Variants in ETV5 observed in about 807,000 individuals in gnomAD.
ETV5 encodes the protein ETS variant transcription factor 5.
A neutral mutation model predicts 70.0 loss-of-function variants in ETV5; 10 were observed. The observed-to-expected ratio is 0.14, with a 90% CI of 0.09 to 0.24. The LOEUF is 0.24. Among genes scored for constraint, ETV5 ranks in the 10% least tolerant of loss-of-function variants. The pLI is 1.00. For synonymous variants in ETV5, 216 were observed against 242.2 expected, an observed-to-expected ratio of 0.89 and a Z score of 1.01; for missense variants, 453 against 651.2, an observed-to-expected ratio of 0.70 and a Z score of 3.31.
At chr3:186,051,947 G>A (rs1008135238) in intron 12 of ETV5, 83 bp downstream of exon 12, 27 of 1,349,572 alleles carry the variant, frequency 2.0e-5, no homozygotes, top group South Asian at 1.9e-4. Context: ...TCGTAGCGAC[G>A]ATCACCAGTC....
chr3:186,087,815 G>A (rs530405198), intron 5 of ETV5, among the ~76,000 whole-genome samples: 5 of 151,836 alleles, frequency 3.3e-5, no homozygotes, highest in African/African-American at 1.2e-4. Flanking sequence ...ATGTTATGAT[G>A]AGCAACAGTT....
At chr3:186,075,203 T>C (rs1267770080) in intron 7 of ETV5, among the ~76,000 whole-genome samples, 1 of 152,190 alleles carries the variant, frequency 6.6e-6, no homozygotes, top group Non-Finnish European at 1.5e-5. Flanking sequence ...ATTCAGTCTG[T>C]CAAAGAAGGA....
chr3:186,107,992 C>T (rs1578566591), intron 1 of ETV5, among the ~76,000 whole-genome samples: 1 of 140,438 alleles, frequency 7.1e-6, no homozygotes, highest in East Asian at 2.3e-4. Context: ...GCTTCATTCA[C>T]AAAAAGGGAA....
intron 8 of ETV5, among the ~76,000 whole-genome samples, chr3:186,065,090 A>G (rs1484305322): frequency 6.6e-6 from 1 of 152,220 alleles, no homozygotes; most frequent in Non-Finnish European, 1.5e-5. Flanking sequence ...TCTCTTCTTC[A>G]GCCATCATGT....
chr3:186,085,425 C>T (rs531916752), intron 5 of ETV5, among the ~76,000 whole-genome samples: 1 of 152,108 alleles, frequency 6.6e-6, no homozygotes, highest in East Asian at 1.9e-4. Flanking sequence ...CTTTGTCTGG[C>T]TCTGGGATAC....
rs992144086 is a variant in ETV5, at chr3:186,052,838, C to T, written c.1210-707G>A. Among the ~76,000 whole-genome samples the T allele has an allele frequency of 1.3e-5, 2 of 152,150 alleles. No homozygotes were observed. Among genetic ancestry groups the T allele is most frequent in the Non-Finnish European group, 1.5e-5 (1 of 68,032 alleles). On this transcript the variant is annotated intron_variant, in intron 11 of 12. Coordinates refer to ENST00000306376, the MANE Select transcript of ETV5 (RefSeq NM_004454.3). The surrounding 1 kb of genome is among the most constrained non-coding windows in gnomAD (Gnocchi z 4.5). The stretch of plus-strand genomic sequence containing the variant: ...AGGGCAATATAATTGGAGCTCTGGG[C>T]AAAGCAGCCTTCTAGCAGGAAAACT...
At chr3:186,064,550 AG>A (rs1328001094) in intron 8 of ETV5, 74 bp from the exon 9 acceptor site, 2 of 1,445,958 alleles carry the variant, frequency 1.4e-6, no homozygotes, top group African/African-American at 2.8e-5. Context: ...GGTCAACTGC[AG>A]CTCTGTGGTA....
Position 186,057,581 on chromosome 3 carries a change from A to G in ETV5, c.971-90T>C. On this transcript the variant is annotated intron_variant, in intron 9 of 12. Transcript: ENST00000306376. This position sits in a 1 kb window ranked among gnomAD's most constrained non-coding sequence, Gnocchi z 4.9. ...GATTTAAGGACTAGAGTGCAATCCTATCATTTCAGATCCTAAGTCCTACTG... is the reference window on the plus strand; with the variant it reads ...GATTTAAGGACTAGAGTGCAATCCTGTCATTTCAGATCCTAAGTCCTACTG... 9.3e-7 allele frequency: 1 copy of G among 1,074,498 alleles called. No individual in the cohort carries two copies. Among genetic ancestry groups the G allele is most frequent in the Non-Finnish European group, 1.4e-6 (1 of 695,384 alleles). 66.6% of individuals were successfully genotyped at this position (1,074,498 alleles called of 1,614,324 possible).
At chr3:186,076,334 G>A (rs937987360) in intron 7 of ETV5, 1 of 201,214 alleles carries the variant, frequency 5.0e-6, no homozygotes, top group African/African-American at 2.3e-5. Flanking sequence ...GTGTTGTCCA[G>A]GCTGGAGAGC....
In ETV5 at chr3:186,063,838, T is replaced by C. The variant is rs905326309; in HGVS notation, c.970+579A>G. 8.6e-5 allele frequency among the ~76,000 whole-genome samples: 13 copies of C among 151,976 alleles called. No homozygotes were observed. The Middle Eastern group carries it at 0.01, about 119-fold the overall frequency. On this transcript the variant is annotated intron_variant, in intron 9 of 12. Transcript: ENST00000306376. ...AAGAATACCTTCAATTTCCCTCCCA[T>C]GTTAAAAATGGCAACCATTTATCAT...
chr3:186,081,381 A>G (rs1287123859), intron 5 of ETV5, among the ~76,000 whole-genome samples: 1 of 152,206 alleles, frequency 6.6e-6, no homozygotes, highest in Non-Finnish European at 1.5e-5. Context: ...AAGTATCATC[A>G]TCTGATACTT....
chr3:186,073,380 C>T (rs1204732836), intron 7 of ETV5, among the ~76,000 whole-genome samples: 1 of 152,050 alleles, frequency 6.6e-6, no homozygotes, highest in African/African-American at 2.4e-5. Context: ...TTTAATCTAC[C>T]CAACGCTTCT....
chr3:186,088,446 T>C (rs746681663), intron 5 of ETV5, among the ~76,000 whole-genome samples: 1 of 152,180 alleles, frequency 6.6e-6, no homozygotes, highest in Non-Finnish European at 1.5e-5. Flanking sequence ...CTCCTAAGTC[T>C]CCTGGCCACC....
At chr3:186,104,635 A>G (rs1714543551) in intron 5 of ETV5, among the ~76,000 whole-genome samples, 1 of 151,682 alleles carries the variant, frequency 6.6e-6, no homozygotes. Context: ...TATAAAACAA[A>G]CCCCAAAAAA....
In ETV5 at chr3:186,106,952, T is replaced by G. The variant is rs974183509; in HGVS notation, c.-74-1010A>C. On this transcript the variant is annotated intron_variant, in intron 1 of 12. Transcript: ENST00000306376. ...AAACATTAATTTCACTCACTCCAGC[T>G]CTAAGCAATTCAAAATGCTTAAAGG... 1.8e-5 allele frequency: 18 copies of G among 985,010 alleles called. No homozygotes were observed. In the South Asian group the frequency reaches 8.0e-4, roughly 44 times the overall value. 61.0% of individuals were successfully genotyped at this position (985,010 alleles called of 1,614,324 possible). A position where few individuals can be genotyped will look rare whatever the true frequency, so the allele number is the denominator to read the frequency against.
intron 7 of ETV5, among the ~76,000 whole-genome samples, chr3:186,066,274 A>G (rs947264416): frequency 1.3e-5 from 2 of 151,092 alleles, no homozygotes; most frequent in Non-Finnish European, 3.0e-5. Flanking sequence ...AAAAAAAAAA[A>G]AAAAAATCAA....
chr3:186,059,618 G>C (rs1487626936), intron 9 of ETV5, among the ~76,000 whole-genome samples: 1 of 152,148 alleles, frequency 6.6e-6, no homozygotes, highest in Non-Finnish European at 1.5e-5. Flanking sequence ...AGAGTGCCAA[G>C]AGTAGCTCCT....
intron 5 of ETV5, among the ~76,000 whole-genome samples, chr3:186,086,156 A>G (rs1714054216): frequency 6.6e-6 from 1 of 152,242 alleles, no homozygotes; most frequent in Non-Finnish European, 1.5e-5. Flanking sequence ...TGACAGTCTT[A>G]GCTCGTCAGG....
intron 9 of ETV5, 87 bp downstream of exon 9, chr3:186,064,330 G>A (rs1466433809): frequency 4.8e-6 from 6 of 1,254,980 alleles, no homozygotes; most frequent in East Asian, 4.6e-5. Flanking sequence ...AGGAAGGAAG[G>A]AAGGTAGGAG....
Sources: allele counts gnomAD v4.1 joint callset (sites outside exome capture counted in the v4.1 genomes callset), GRCh38; gene constraint gnomAD v4.1.1; non-coding constraint Gnocchi (gnomAD v3.1); transcripts MANE v1.5; gene names NCBI Gene and HGNC (gene_info 2026-07-23, HGNC 2026-07-21).